Variants in DCAF6 observed in about 807,000 individuals in gnomAD.
DCAF6 encodes the protein DDB1 and CUL4 associated factor 6.
Under a neutral mutation model 125.1 loss-of-function variants are expected in DCAF6, and 54 were observed. That is an observed-to-expected ratio of 0.43 (90% CI 0.35 to 0.54). The LOEUF (loss-of-function observed/expected upper bound fraction) is 0.54. Among genes scored for constraint, DCAF6 ranks in the 20% least tolerant of loss-of-function variants. The pLI is 0.01. For synonymous variants in DCAF6, 371 were observed against 390.4 expected, an observed-to-expected ratio of 0.95 and a Z score of 0.58; for missense variants, 934 against 1,161.7, an observed-to-expected ratio of 0.80 and a Z score of 2.85.
chr1:167,899,688 C>T, the DCAF6 span: 13 of 1,546,494 alleles, frequency 8.4e-6, no homozygotes, highest in Admixed American at 2.2e-4. Context: ...CCCAGCAGCA[C>T]AGGTTTTTGG....
the DCAF6 span, chr1:167,883,683 C>T: frequency 1.3e-6 from 2 of 1,551,132 alleles, no homozygotes; most frequent in Non-Finnish European, 1.8e-6. Context: ...ATCCCTCCCC[C>T]AACACCGCCC....
intron 2 of DCAF6, among the ~76,000 whole-genome samples, chr1:167,962,924 C>G (rs920596338): frequency 1.3e-5 from 2 of 151,982 alleles, no homozygotes; most frequent in Non-Finnish European, 2.9e-5. Context: ...CCACTGCACG[C>G]CAGCCTGGCG....
chr1:168,006,850 A>C (rs768111266), intron 10 of DCAF6, among the ~76,000 whole-genome samples: 33 of 152,296 alleles, frequency 2.2e-4, no homozygotes, highest in Middle Eastern at 6.8e-3. Context: ...GAAACGGACA[A>C]TGGGAATATG....
chr1:167,876,745 C>T, the DCAF6 span, among the ~76,000 whole-genome samples: 1 of 152,162 alleles, frequency 6.6e-6, no homozygotes, highest in South Asian at 2.1e-4. Context: ...TATCTGTGCC[C>T]TTTGCTGTGT....
At chr1:168,051,709 T>A (rs1357454619) in intron 17 of DCAF6, among the ~76,000 whole-genome samples, 1 of 152,114 alleles carries the variant, frequency 6.6e-6, no homozygotes, top group African/African-American at 2.4e-5. Context: ...ATATAATAGA[T>A]GTATGGAAAT....
the DCAF6 span, among the ~76,000 whole-genome samples, chr1:167,866,528 G>GC: frequency 3.1e-5 from 2 of 64,196 alleles, no homozygotes; most frequent in East Asian, 4.1e-4. Flanking sequence ...CACTCTATGT[G>GC]CCAAAAAAAA....
the DCAF6 span, among the ~76,000 whole-genome samples, chr1:167,909,243 C>T: frequency 6.6e-6 from 1 of 152,166 alleles, no homozygotes; most frequent in Non-Finnish European, 1.5e-5. Flanking sequence ...AGTATTCCAT[C>T]ACCTGATGGA....
intron 10 of DCAF6, among the ~76,000 whole-genome samples, chr1:168,015,510 G>T (rs964383877): frequency 2.0e-5 from 3 of 151,858 alleles, no homozygotes; most frequent in Non-Finnish European, 4.4e-5. Flanking sequence ...GCTTATGGAG[G>T]ACTTTTTATT....
the DCAF6 span, among the ~76,000 whole-genome samples, chr1:167,875,902 G>A: frequency 2.0e-5 from 3 of 151,402 alleles, no homozygotes; most frequent in South Asian, 2.1e-4. Context: ...GCAGTGAGCC[G>A]AGATCGCACC....
intron 2 of DCAF6, among the ~76,000 whole-genome samples, chr1:167,958,467 T>C (rs986798184): frequency 2.0e-5 from 3 of 152,096 alleles, no homozygotes; most frequent in Admixed American, 6.6e-5. Context: ...GAAGAGTTTA[T>C]TTCTGAACTC....
chr1:167,919,989 G>T, the DCAF6 span: 1 of 1,609,720 alleles, frequency 6.2e-7, no homozygotes, highest in Non-Finnish European at 8.5e-7. Context: ...CTCCAAATAC[G>T]AAAAAGCTGA....
chr1:167,943,779 G>A (rs1205928968), intron 1 of DCAF6, among the ~76,000 whole-genome samples: 2 of 152,038 alleles, frequency 1.3e-5, no homozygotes, highest in African/African-American at 4.8e-5. Context: ...TGTGTGCCTG[G>A]TTTGTTTAAC....
intron 2 of DCAF6, among the ~76,000 whole-genome samples, chr1:167,952,154 C>T (rs1385337711): frequency 6.6e-6 from 1 of 152,070 alleles, no homozygotes; most frequent in African/African-American, 2.4e-5. Context: ...AGAAACTAGA[C>T]ATATCACTCA....
chr1:168,012,272 G>A (rs185173559), intron 10 of DCAF6, among the ~76,000 whole-genome samples: 24 of 152,334 alleles, frequency 1.6e-4, no homozygotes, highest in African/African-American at 5.8e-4. Flanking sequence ...GTGGACCTTT[G>A]TTGCGTCAAC....
At chr1:167,993,518 G>A in intron 7 of DCAF6, 78 bp downstream of exon 7, 1 of 1,203,996 alleles carries the variant, frequency 8.3e-7, no homozygotes, top group Non-Finnish European at 1.2e-6. Flanking sequence ...GGGAGGCCGA[G>A]GTGGGTGGAT....
In DCAF6 at chr1:168,075,519, C is replaced by A; in HGVS notation, c.*84C>A. 8.2e-7 allele frequency: 1 copy of A among 1,222,906 alleles called. No homozygotes were observed. The highest frequency in any genetic ancestry group is 1.1e-6 in the Non-Finnish European group (1 of 891,748). 75.8% of individuals were successfully genotyped at this position (1,222,906 alleles called of 1,614,324 possible). A position where few individuals can be genotyped will look rare whatever the true frequency, so the allele number is the denominator to read the frequency against. On this transcript the variant is annotated 3_prime_UTR_variant, in exon 22 of 22. Transcript: ENST00000367840. ...TTTTTTTCTTTACAGAGCTTTAGTG[C>A]AATTTTAAGGTTATGGTTTTTGGAG...
chr1:167,956,688 G>A (rs193044724), intron 2 of DCAF6, among the ~76,000 whole-genome samples: 10 of 152,172 alleles, frequency 6.6e-5, no homozygotes, highest in Admixed American at 5.9e-4. Flanking sequence ...TAAAATAGAG[G>A]TTTCTTTGGT....
At chr1:167,942,109 A>G (rs773619409) in intron 1 of DCAF6, among the ~76,000 whole-genome samples, 14 of 152,262 alleles carry the variant, frequency 9.2e-5, no homozygotes, top group Middle Eastern at 6.8e-3. Flanking sequence ...CTTGTCGCCC[A>G]GGCTGGAGTG....
At chr1:167,979,132 G>A (rs1005720652) in intron 4 of DCAF6, among the ~76,000 whole-genome samples, 2 of 151,482 alleles carry the variant, frequency 1.3e-5, no homozygotes, top group African/African-American at 4.8e-5. Flanking sequence ...TTTGACTTTT[G>A]TTATAGTATG....
Sources: allele counts gnomAD v4.1 joint callset (sites outside exome capture counted in the v4.1 genomes callset), GRCh38; gene constraint gnomAD v4.1.1; transcripts MANE v1.5; gene names NCBI Gene and HGNC (gene_info 2026-07-23, HGNC 2026-07-21).